The following FSTL5 variants were observed in gnomAD, a reference collection of about 807,000 sequenced individuals.
The protein encoded by FSTL5 is follistatin-related protein 5.
FSTL5 carries 62 observed loss-of-function variants against 89.1 expected under a neutral mutation model. The ratio of observed to expected loss-of-function variants is 0.70; its 90% CI spans 0.57 to 0.86. The LOEUF (loss-of-function observed/expected upper bound fraction) is 0.86. Among genes scored for constraint, FSTL5 ranks in the 40% least tolerant of loss-of-function variants. The probability of loss-of-function intolerance (pLI) is 0.00; values close to 1 mark genes in which losing one functional copy is unlikely to be tolerated. For synonymous variants in FSTL5, 383 were observed against 346.2 expected (o/e 1.11, Z -1.18); for missense variants, 1,057 against 1,001.6 (o/e 1.06, Z -0.75).
chr4:161,829,391 T>A (rs1730772413), intron 4 of FSTL5, among the ~76,000 whole-genome samples: 1 of 150,232 alleles, frequency 6.7e-6, no homozygotes, highest in South Asian at 2.1e-4. Flanking sequence ...ATAGAAGGAG[T>A]TCTGCTTAAA....
intron 10 of FSTL5, among the ~76,000 whole-genome samples, chr4:161,515,401 T>A (rs1257259256): frequency 6.6e-6 from 1 of 151,972 alleles, no homozygotes; most frequent in African/African-American, 2.4e-5. Flanking sequence ...GAGATGGCAT[T>A]TCACCATGTT....
intron 4 of FSTL5, among the ~76,000 whole-genome samples, chr4:161,887,027 G>A (rs1245426860): frequency 6.6e-6 from 1 of 151,998 alleles, no homozygotes; most frequent in Non-Finnish European, 1.5e-5. Context: ...TATTGCTTTG[G>A]TAGTTCACAA....
intron 4 of FSTL5, among the ~76,000 whole-genome samples, chr4:161,815,335 T>C (rs962566781): frequency 7.2e-5 from 11 of 152,078 alleles, no homozygotes; most frequent in Non-Finnish European, 1.6e-4. Context: ...TATTTTCAAA[T>C]ATCTGGAAAA....
Position 161,667,757 on chromosome 4 carries a change from A to C in FSTL5, c.728-11263T>G, listed in dbSNP as rs138277929. Among the ~76,000 whole-genome samples, 387 of 152,206 alleles carry C rather than the reference A, an allele frequency of 2.5e-3. 3 individuals carry two copies. Among genetic ancestry groups the C allele is most frequent in the African/African-American group, 9.1e-3 (379 of 41,576 alleles). On this transcript the variant is annotated intron_variant, in intron 6 of 15. Coordinates refer to ENST00000306100, the MANE Select transcript of FSTL5 (RefSeq NM_020116.5). The stretch of plus-strand genomic sequence containing the variant: ...TATTTATCTCATGTGAGGAAGAGAT[A>C]ATTAAAGCTTTATTAGCCATCTTGT...
At chr4:161,983,221 C>T (rs1735873985) in intron 3 of FSTL5, among the ~76,000 whole-genome samples, 1 of 152,156 alleles carries the variant, frequency 6.6e-6, no homozygotes, top group South Asian at 2.1e-4. Flanking sequence ...GAATAATTTT[C>T]TGCCAAGTCA....
intron 1 of FSTL5, among the ~76,000 whole-genome samples, chr4:162,143,383 T>C (rs1041018613): frequency 6.6e-6 from 1 of 152,156 alleles, no homozygotes; most frequent in Non-Finnish European, 1.5e-5. Flanking sequence ...TATGGATGTA[T>C]GCTATCACTT....
chr4:161,777,541 G>T (rs1741455043), intron 4 of FSTL5, among the ~76,000 whole-genome samples: 1 of 152,056 alleles, frequency 6.6e-6, no homozygotes. Flanking sequence ...ATAGCACTAA[G>T]ATCATATTAG....
chr4:161,843,462 A>G (rs1270049573), intron 4 of FSTL5, among the ~76,000 whole-genome samples: 1 of 152,138 alleles, frequency 6.6e-6, no homozygotes, highest in Non-Finnish European at 1.5e-5. Flanking sequence ...TTCTCCTTGA[A>G]GAAGTCCTTC....
rs1741396108 is a variant in FSTL5 at position 161,776,006 on chromosome 4, A to G, written c.478T>C (p.Tyr160His). ...NMLLDLQNQK[Y>H]IMQENENPNG... ...GGATTTTCATTTTCTTGCATAATAT[A>G]TTTTTGATTTTGTAAATCTAATAGC... Residue 160 changes from tyrosine (Y) to histidine (H), a missense_variant, in exon 5 of 16, where the codon TAT becomes CAT. Around this residue, in one of 3 missense-constraint regions of FSTL5, gnomAD observed 980 missense variants for 903.2 expected, o/e 1.08. Transcript: ENST00000306100. 1 of 1,596,656 alleles carries G rather than the reference A, an allele frequency of 6.3e-7. No homozygotes were observed. The highest frequency in any genetic ancestry group is 8.6e-7 in the Non-Finnish European group (1 of 1,167,308).
chr4:161,627,926 T>C (rs13435755), intron 7 of FSTL5, among the ~76,000 whole-genome samples: 105,221 of 151,998 alleles, frequency 0.69, 36,758 homozygotes, highest in African/African-American at 0.77. Context: ...GTAACATATG[T>C]CAATATAACT....
intron 4 of FSTL5, among the ~76,000 whole-genome samples, chr4:161,811,315 G>A (rs1041178167): frequency 2.0e-5 from 3 of 152,132 alleles, no homozygotes; most frequent in African/African-American, 7.2e-5. Context: ...CAAATCATAT[G>A]ACTTTTCTTT....
intron 3 of FSTL5, among the ~76,000 whole-genome samples, chr4:161,982,725 C>T (rs1172583366): frequency 1.3e-5 from 2 of 152,098 alleles, no homozygotes; most frequent in Non-Finnish European, 2.9e-5. Flanking sequence ...GTCCTTTTGA[C>T]TATGGTTCAA....
intron 15 of FSTL5, among the ~76,000 whole-genome samples, chr4:161,388,772 G>A (rs1220505260): frequency 1.3e-5 from 2 of 152,036 alleles, no homozygotes; most frequent in African/African-American, 4.8e-5. Flanking sequence ...TTAACCTTGA[G>A]TCTTCTAGTC....
At chr4:161,585,587 T>TA (rs34372995) in intron 8 of FSTL5, among the ~76,000 whole-genome samples, 35,928 of 102,476 alleles carry the variant, frequency 0.35, 5,997 homozygotes, top group East Asian at 0.64. Flanking sequence ...TCCCTAATGC[T>TA]AAAAAAAAAA....
chr4:161,489,633 A>C (rs1010067265), intron 12 of FSTL5, among the ~76,000 whole-genome samples: 2 of 152,152 alleles, frequency 1.3e-5, no homozygotes, highest in African/African-American at 4.8e-5. Flanking sequence ...AACTTGTGGC[A>C]CACAGCACAA....
At chr4:162,149,724 T>C (rs1247852071) in intron 1 of FSTL5, among the ~76,000 whole-genome samples, 2 of 152,126 alleles carry the variant, frequency 1.3e-5, no homozygotes, top group East Asian at 3.9e-4. Flanking sequence ...TGTGTGTATA[T>C]GTATATATGT....
intron 4 of FSTL5, among the ~76,000 whole-genome samples, chr4:161,842,399 A>G (rs937625516): frequency 2.0e-5 from 3 of 152,228 alleles, no homozygotes; most frequent in African/African-American, 7.2e-5. Flanking sequence ...ATCCAGTAAC[A>G]AAGCATAAAC....
At chr4:161,832,827 A>G (rs1730893448) in intron 4 of FSTL5, among the ~76,000 whole-genome samples, 1 of 149,946 alleles carries the variant, frequency 6.7e-6, no homozygotes, top group Non-Finnish European at 1.5e-5. Flanking sequence ...CTTTCAAAAA[A>G]CCAGCTCCTG....
At chr4:162,124,950 G>A (rs983239620) in intron 1 of FSTL5, among the ~76,000 whole-genome samples, 4 of 152,120 alleles carry the variant, frequency 2.6e-5, no homozygotes, top group Admixed American at 6.5e-5. Flanking sequence ...TGATCCGCCC[G>A]CCTTGGCCTC....
Sources: allele counts gnomAD v4.1 joint callset (sites outside exome capture counted in the v4.1 genomes callset), GRCh38; gene constraint gnomAD v4.1.1; regional missense constraint gnomAD v4.1.1; transcripts MANE v1.5; gene names NCBI Gene and HGNC (gene_info 2026-07-23, HGNC 2026-07-21).